KIAA1217: variants seen among roughly 807,000 people sequenced by gnomAD.
KIAA1217 encodes sickle tail protein homolog.
A neutral mutation model predicts 163.9 loss-of-function variants in KIAA1217; 88 were observed. The observed-to-expected ratio is 0.54, with a 90% CI of 0.45 to 0.64. KIAA1217 has a LOEUF of 0.64. KIAA1217 is among the 30% of genes least tolerant of loss of function. The probability of loss-of-function intolerance (pLI) is 0.00; values close to 1 mark genes in which losing one functional copy is unlikely to be tolerated. For missense variants in KIAA1217, 2,372 were observed against 2,475.0 expected (o/e 0.96, Z 0.88); for synonymous variants, 903 against 923.1 (o/e 0.98, Z 0.39).
chr10:23,733,703 G>A, intron 1 of KIAA1217, among the ~76,000 whole-genome samples: 1 of 151,932 alleles, frequency 6.6e-6, no homozygotes. Context: ...CCGCCAGATA[G>A]AGAGGGCCTC....
At chr10:23,995,450 C>CTCTGTG (rs980015208) in intron 1 of KIAA1217, among the ~76,000 whole-genome samples, 10 of 147,724 alleles carry the variant, frequency 6.8e-5, no homozygotes, top group African/African-American at 2.5e-4. Context: ...CAATTATGGC[C>CTCTGTG]TGTGTGTGTG....
intron 10 of KIAA1217, among the ~76,000 whole-genome samples, chr10:24,517,383 G>C (rs1479342987): frequency 1.3e-5 from 2 of 152,056 alleles, no homozygotes; most frequent in Admixed American, 1.3e-4. Context: ...AAATATTTAA[G>C]GTGACGGATA....
At chr10:24,527,719 G>T (rs1326585273) in intron 13 of KIAA1217, among the ~76,000 whole-genome samples, 1 of 151,970 alleles carries the variant, frequency 6.6e-6, no homozygotes, top group Non-Finnish European at 1.5e-5. Context: ...CTTTTTTAAA[G>T]TTCAGGGGTA....
At chr10:23,936,258 G>T (rs1468097362) in intron 1 of KIAA1217, among the ~76,000 whole-genome samples, 1 of 152,078 alleles carries the variant, frequency 6.6e-6, no homozygotes, top group Non-Finnish European at 1.5e-5. Context: ...CACCCATAAA[G>T]GTCAGCCTCC....
At chr10:23,824,535 G>A (rs1837782306) in intron 1 of KIAA1217, among the ~76,000 whole-genome samples, 2 of 146,072 alleles carry the variant, frequency 1.4e-5, no homozygotes, top group African/African-American at 2.5e-5. Context: ...GGCTGAGGCA[G>A]GAGAATTGCT....
At chr10:24,351,867 G>A (rs1028146740) in intron 2 of KIAA1217, among the ~76,000 whole-genome samples, 1 of 152,156 alleles carries the variant, frequency 6.6e-6, no homozygotes, top group African/African-American at 2.4e-5. Flanking sequence ...TGGGCTCCCA[G>A]TTCCCCTAAC....
intron 6 of KIAA1217, among the ~76,000 whole-genome samples, chr10:24,486,272 C>G (rs1322730862): frequency 1.3e-5 from 2 of 152,186 alleles, no homozygotes; most frequent in Admixed American, 6.5e-5. Context: ...GCTCAGACTT[C>G]CCCATGGTTC....
intron 9 of KIAA1217, among the ~76,000 whole-genome samples, 176 bp from the exon 10 acceptor site, chr10:24,513,083 T>C (rs190760857): frequency 3.9e-4 from 60 of 152,346 alleles, no homozygotes; most frequent in African/African-American, 1.3e-3. Context: ...AATTCAGATG[T>C]TGGTGGAAGA....
At chr10:23,732,581 T>C (rs1838535964) in intron 1 of KIAA1217, among the ~76,000 whole-genome samples, 1 of 152,180 alleles carries the variant, frequency 6.6e-6, no homozygotes, top group African/African-American at 2.4e-5. Flanking sequence ...TATTGATCTT[T>C]ACAAAGAATC....
intron 2 of KIAA1217, among the ~76,000 whole-genome samples, chr10:24,222,213 T>C (rs1291744930): frequency 2.6e-5 from 4 of 152,226 alleles, no homozygotes; most frequent in Non-Finnish European, 5.9e-5. Flanking sequence ...AGCTCTGATC[T>C]GCTGTTACAT....
intron 12 of KIAA1217, among the ~76,000 whole-genome samples, chr10:24,523,888 A>G (rs967031793): frequency 1.3e-5 from 2 of 152,224 alleles, no homozygotes; most frequent in Non-Finnish European, 2.9e-5. Context: ...TTGTGGCAAG[A>G]CTTCGTTGAA....
chr10:23,818,351 A>AAAAATATATATAT (rs374977941), intron 1 of KIAA1217, among the ~76,000 whole-genome samples: 3 of 134,894 alleles, frequency 2.2e-5, no homozygotes, highest in African/African-American at 8.4e-5. Flanking sequence ...TATATAAAAA[A>AAAAATATATATAT]ATATATATAT....
At chr10:24,032,741 G>A (rs1034047096) in intron 2 of KIAA1217, among the ~76,000 whole-genome samples, 1 of 152,130 alleles carries the variant, frequency 6.6e-6, no homozygotes, top group African/African-American at 2.4e-5. Context: ...TAACTTTTAA[G>A]TCACCCAGCG....
intron 2 of KIAA1217, among the ~76,000 whole-genome samples, chr10:24,306,441 A>T (rs975158839): frequency 6.6e-6 from 1 of 152,198 alleles, no homozygotes; most frequent in African/African-American, 2.4e-5. Context: ...CTTACCAGCA[A>T]TAGGGGTTCC....
chr10:24,321,749 G>T (rs1226075549), intron 2 of KIAA1217, among the ~76,000 whole-genome samples: 2 of 152,120 alleles, frequency 1.3e-5, no homozygotes, highest in Non-Finnish European at 2.9e-5. Context: ...AATGGTGATT[G>T]CCAGGGGCTG....
intron 4 of KIAA1217, among the ~76,000 whole-genome samples, chr10:24,433,792 G>C (rs149986339): frequency 2.0e-3 from 285 of 145,064 alleles, no homozygotes; most frequent in African/African-American, 6.7e-3. Context: ...TAGAATAAAA[G>C]CAGTGGGCTC....
At chr10:24,071,974 G>C (rs1294389635) in intron 2 of KIAA1217, among the ~76,000 whole-genome samples, 1 of 152,044 alleles carries the variant, frequency 6.6e-6, no homozygotes, top group African/African-American at 2.4e-5. Flanking sequence ...TACTTCCCCA[G>C]CTTTATTTTT....
chr10:24,191,694 C>A (rs2066727318), intron 2 of KIAA1217, among the ~76,000 whole-genome samples: 1 of 152,182 alleles, frequency 6.6e-6, no homozygotes, highest in African/African-American at 2.4e-5. Context: ...GATTTCATTG[C>A]CAGCTTCATG....
At position 24,219,862 on chromosome 10, in the gene KIAA1217, C is replaced by T. The variant is rs1238968378; in HGVS notation, c.307C>T (p.His103Tyr). 3 of 1,612,654 alleles carry T rather than the reference C, an allele frequency of 1.9e-6. No homozygotes were observed. In the South Asian group the frequency reaches 3.3e-5, roughly 18 times the overall value. The change falls in exon 2 of 21, where the codon CAC becomes TAC. Residue 103 changes from histidine to tyrosine, a missense_variant. His to Tyr is a moderately conservative substitution (Grantham distance 83, BLOSUM62 2). This residue lies in a region of KIAA1217 where 1,431 missense variants were observed against 1,470.3 expected (regional missense o/e 0.97). Coordinates refer to ENST00000376454, the MANE Select transcript of KIAA1217 (RefSeq NM_019590.5). ...FLEHLKQKYP[H>Y]HASAIMGHQE... ...AGAACATCTGAAGCAGAAGTACCCC[C>T]ACCACGCCTCTGCAATCATGGGTCA...
Sources: allele counts gnomAD v4.1 joint callset (sites outside exome capture counted in the v4.1 genomes callset), GRCh38; gene constraint gnomAD v4.1.1; regional missense constraint gnomAD v4.1.1; transcripts MANE v1.5; gene names NCBI Gene and HGNC (gene_info 2026-07-23, HGNC 2026-07-21).